Variants in PLPP4 observed in about 807,000 individuals in gnomAD.
PLPP4 encodes phospholipid phosphatase 4, also known as diacylglycerol pyrophosphate like 2.
Under a neutral mutation model 32.2 loss-of-function variants are expected in PLPP4, and 20 were observed. The ratio of observed to expected loss-of-function variants is 0.62; its 90% confidence interval spans 0.44 to 0.90. The LOEUF is 0.90. PLPP4 is among the 40% of genes least tolerant of loss of function. The pLI is 0.00. For missense variants in PLPP4, 257 were observed against 353.1 expected, an observed-to-expected ratio of 0.73 and a Z score of 2.18; for synonymous variants, 127 against 133.0, an observed-to-expected ratio of 0.95 and a Z score of 0.31.
At chr10:120,581,503 G>T (rs1434607322) in intron 6 of PLPP4, among the ~76,000 whole-genome samples, 1 of 152,160 alleles carries the variant, frequency 6.6e-6, no homozygotes, top group Non-Finnish European at 1.5e-5. Context: ...CAGCATCACA[G>T]CCTGTGTCCT....
intron 1 of PLPP4, among the ~76,000 whole-genome samples, chr10:120,478,839 A>G (rs535274123): frequency 6.6e-6 from 1 of 152,336 alleles, no homozygotes; most frequent in African/African-American, 2.4e-5. Flanking sequence ...TTTTTAGTTG[A>G]TGTAGTTAAC....
chr10:120,499,167 A>G (rs1451039394), intron 1 of PLPP4, among the ~76,000 whole-genome samples: 1 of 152,224 alleles, frequency 6.6e-6, no homozygotes, highest in Non-Finnish European at 1.5e-5. Context: ...GAAAAACTCA[A>G]GGACGTCTGT....
Position 120,562,338 on chromosome 10 carries a change from ATTATT to A in PLPP4, c.446-12790_446-12786del, listed in dbSNP as rs1401969944. On this transcript the variant is annotated intron_variant, in intron 5 of 6. Coordinates refer to ENST00000398250, the MANE Select transcript of PLPP4 (RefSeq NM_001030059.3). ...AGTAATTCTAATTACTTATCCATAA[ATTATT>A]TTGAGTTTTCTACATAGAAAATCAT... Among the ~76,000 whole-genome samples, 5 of 152,302 alleles carry A rather than the reference ATTATT, an allele frequency of 3.3e-5. No homozygotes were observed. The East Asian group carries it at 7.7e-4, about 23-fold the overall frequency.
chr10:120,503,569 C>G, intron 1 of PLPP4: 1 of 1,608,328 alleles, frequency 6.2e-7, no homozygotes, highest in Non-Finnish European at 8.5e-7. Flanking sequence ...ACACACAAAG[C>G]TACTCCCTTA....
intron 5 of PLPP4, among the ~76,000 whole-genome samples, chr10:120,568,104 G>T (rs942300975): frequency 6.6e-6 from 1 of 152,222 alleles, no homozygotes. Context: ...CTTAGCTCGG[G>T]ACAGTAGCTT....
chr10:120,552,037 A>C (rs1847925173), intron 5 of PLPP4, among the ~76,000 whole-genome samples: 1 of 152,150 alleles, frequency 6.6e-6, no homozygotes, highest in South Asian at 2.1e-4. Flanking sequence ...AACTGAGCAT[A>C]ATACCTGGCC....
At chr10:120,490,501 C>T (rs1388246241) in intron 1 of PLPP4, among the ~76,000 whole-genome samples, 1 of 152,258 alleles carries the variant, frequency 6.6e-6, no homozygotes, top group Non-Finnish European at 1.5e-5. Context: ...TGGGAAGCTG[C>T]ATTCCAGAGC....
At chr10:120,512,781 C>G (rs904797763) in intron 2 of PLPP4, among the ~76,000 whole-genome samples, 2 of 151,452 alleles carry the variant, frequency 1.3e-5, no homozygotes, top group Non-Finnish European at 2.9e-5. Flanking sequence ...CCACTGCACT[C>G]CAGCCTGGTG....
chr10:120,586,712 G>C, intron 6 of PLPP4, among the ~76,000 whole-genome samples: 1 of 152,142 alleles, frequency 6.6e-6, no homozygotes, highest in Non-Finnish European at 1.5e-5. Flanking sequence ...GTTGGCCAAG[G>C]TGCTGAAGGA....
At chr10:120,516,839 C>T (rs921379420) in intron 3 of PLPP4, among the ~76,000 whole-genome samples, 7 of 152,130 alleles carry the variant, frequency 4.6e-5, no homozygotes, top group Non-Finnish European at 1.0e-4. Context: ...ATGAGGGGCT[C>T]CTGCATTGAT....
rs1000791051 is a variant in PLPP4 at position 120,574,411 on chromosome 10, T to C, written c.446-720T>C. ...TTTTATACCTGCTTGGATGTAAAGC[T>C]TGGGGCTTATACATGCTACACTCAG... On this transcript the variant is annotated intron_variant, in intron 5 of 6. Coordinates refer to ENST00000398250, the MANE Select transcript of PLPP4 (RefSeq NM_001030059.3). 4.6e-5 allele frequency among the ~76,000 whole-genome samples: 7 copies of C among 152,264 alleles called. No individual in the cohort carries two copies. In the East Asian group the frequency reaches 7.7e-4, roughly 17 times the overall value.
chr10:120,550,826 C>T (rs193122176), intron 5 of PLPP4, among the ~76,000 whole-genome samples: 1 of 151,966 alleles, frequency 6.6e-6, no homozygotes, highest in Admixed American at 6.6e-5. Context: ...ATCTTTGGTA[C>T]TTTGGGATAG....
At chr10:120,588,351 G>A (rs1327970568) in intron 6 of PLPP4, among the ~76,000 whole-genome samples, 1 of 152,194 alleles carries the variant, frequency 6.6e-6, no homozygotes, top group Non-Finnish European at 1.5e-5. Context: ...CCCTGCAGAT[G>A]CACCCCCCTG....
intron 1 of PLPP4, among the ~76,000 whole-genome samples, chr10:120,498,850 G>A (rs1845098214): frequency 6.6e-6 from 1 of 151,990 alleles, no homozygotes; most frequent in African/African-American, 2.4e-5. Context: ...AGTACAGAAG[G>A]GGTTTCGCCA....
chr10:120,532,568 T>C (rs987279835), intron 5 of PLPP4, among the ~76,000 whole-genome samples: 6 of 152,158 alleles, frequency 3.9e-5, no homozygotes, highest in Admixed American at 2.0e-4. Flanking sequence ...ACAATCTAAT[T>C]TCACATTTTT....
At chr10:120,458,111 C>A (rs1449006420) in intron 1 of PLPP4, among the ~76,000 whole-genome samples, 1 of 152,040 alleles carries the variant, frequency 6.6e-6, no homozygotes, top group Non-Finnish European at 1.5e-5. Flanking sequence ...CTCCTCCGTG[C>A]GCCCAGGGAC....
chr10:120,499,785 T>C (rs1564797923), intron 1 of PLPP4, among the ~76,000 whole-genome samples: 1 of 152,218 alleles, frequency 6.6e-6, no homozygotes, highest in Non-Finnish European at 1.5e-5. Context: ...AACACACTGC[T>C]GGAGACCACA....
chr10:120,588,997 G>C (rs1849893083), intron 6 of PLPP4, among the ~76,000 whole-genome samples: 1 of 152,234 alleles, frequency 6.6e-6, no homozygotes, highest in Non-Finnish European at 1.5e-5. Context: ...AGTGAGGCGA[G>C]ATTGCAGCAC....
chr10:120,572,686 A>G (rs990690834), intron 5 of PLPP4, among the ~76,000 whole-genome samples: 2 of 152,192 alleles, frequency 1.3e-5, no homozygotes, highest in Non-Finnish European at 2.9e-5. Context: ...ATTCCTCCTG[A>G]AGGAGCTCAG....
Sources: allele counts gnomAD v4.1 joint callset (sites outside exome capture counted in the v4.1 genomes callset), GRCh38; gene constraint gnomAD v4.1.1; transcripts MANE v1.5; gene names NCBI Gene and HGNC (gene_info 2026-07-23, HGNC 2026-07-21).